Variants in AK9 observed in about 807,000 individuals in gnomAD.
AK9 encodes the protein adenylate kinase domain containing 1.
A neutral mutation model predicts 239.6 loss-of-function variants in AK9; 191 were observed. The ratio of observed to expected loss-of-function variants is 0.80; its 90% CI spans 0.71 to 0.90. The LOEUF is 0.90. Among genes scored for constraint, AK9 ranks in the 40% least tolerant of loss-of-function variants. The pLI, the probability that AK9 is intolerant of heterozygous loss-of-function variation, is 0.00. For missense variants in AK9, 1,995 were observed against 2,214.7 expected, an observed-to-expected ratio of 0.90 and a Z score of 1.99; for synonymous variants, 689 against 721.0, an observed-to-expected ratio of 0.96 and a Z score of 0.71.
Position 109,494,102 on chromosome 6 carries a change from G to A in AK9, c.5419-7C>T, listed in dbSNP as rs747512776. On this transcript the variant is annotated splice_region_variant and splice_polypyrimidine_tract_variant and intron_variant, in intron 39 of 40. Transcript: ENST00000424296. ...TTAGAGAAGTTGCAATACCCTGCAG[G>A]GAGGGAACAATTCAAATTCTGTGTA... 1.1e-5 allele frequency: 18 copies of A among 1,595,350 alleles called. No individual in the cohort carries two copies. The highest frequency in any genetic ancestry group is 1.5e-5 in the Non-Finnish European group (18 of 1,165,028).
intron 17 of AK9, among the ~76,000 whole-genome samples, chr6:109,604,396 T>C (rs1306703702): frequency 5.9e-5 from 9 of 152,348 alleles, no homozygotes; most frequent in African/African-American, 2.2e-4. Context: ...ATTTAATATA[T>C]ATGGAATTTA....
chr6:109,561,441 G>A (rs1036155465), intron 24 of AK9, among the ~76,000 whole-genome samples: 1 of 152,132 alleles, frequency 6.6e-6, no homozygotes. Flanking sequence ...TGTCTCCTGA[G>A]TAGCCAGGAC....
At chr6:109,575,864 C>T (rs374644426) in intron 20 of AK9, among the ~76,000 whole-genome samples, 14 of 152,238 alleles carry the variant, frequency 9.2e-5, no homozygotes, top group African/African-American at 3.4e-4. Context: ...AAAGATCCAG[C>T]TTCATTCTTC....
chr6:109,553,669 T>C (rs1784622481), intron 24 of AK9, among the ~76,000 whole-genome samples: 1 of 152,198 alleles, frequency 6.6e-6, no homozygotes, highest in South Asian at 2.1e-4. Context: ...TGACTTCCTC[T>C]CTTCCTATTT....
At chr6:109,597,566 G>A (rs943885991) in intron 17 of AK9, among the ~76,000 whole-genome samples, 2 of 151,982 alleles carry the variant, frequency 1.3e-5, no homozygotes, top group Non-Finnish European at 2.9e-5. Context: ...CCAGCTACTC[G>A]GGAGGCTAAG....
chr6:109,540,768 G>A (rs938113307), intron 27 of AK9, among the ~76,000 whole-genome samples: 3 of 152,064 alleles, frequency 2.0e-5, no homozygotes, highest in African/African-American at 7.2e-5. Flanking sequence ...GGTCTCTCTG[G>A]CAGGGTCAAT....
chr6:109,578,286 C>T (rs1190076495), intron 20 of AK9, among the ~76,000 whole-genome samples: 1 of 151,984 alleles, frequency 6.6e-6, no homozygotes, highest in Non-Finnish European at 1.5e-5. Context: ...CCAGGCTGGT[C>T]TCGAACTCCT....
rs1216988938 is a variant in AK9 at position 109,538,701 on chromosome 6, C to T, written c.3350+3346G>A. On this transcript the variant is annotated intron_variant, in intron 27 of 40. Transcript: ENST00000424296. The stretch of plus-strand genomic sequence containing the variant: ...AGTTGATGCAGTTTCTTCCTAGCAT[C>T]AATGATCTTTACAATTTGGCATGTT... Among the ~76,000 whole-genome samples, 1,022 of 151,318 alleles carry T rather than the reference C, an allele frequency of 6.8e-3. 17 individuals are homozygous for T. Among genetic ancestry groups the T allele is most frequent in the African/African-American group, 0.024 (966 of 40,706 alleles).
chr6:109,598,837 G>T (rs1331019562), intron 17 of AK9, among the ~76,000 whole-genome samples: 8 of 152,180 alleles, frequency 5.3e-5, no homozygotes, highest in East Asian at 3.8e-4. Context: ...ATGATGAGCA[G>T]TTTTTCATGT....
In AK9 at chr6:109,506,331, T is replaced by A; in HGVS notation, c.4845A>T (p.Lys1615Asn). Residue 1615 changes from lysine to asparagine, a missense_variant, in exon 35 of 41, where the codon AAA becomes AAT. By Grantham distance (94) the Lys-to-Asn change is moderately conservative. Coordinates refer to ENST00000424296, the MANE Select transcript of AK9 (RefSeq NM_001145128.3). The part of the protein sequence containing the change: ...KYMQTYLERI[K>N]AGKAACIDKL... Reference sequence around the variant, plus strand: ...CCTTAAAAAGTGCTATCTTACCTGCTTTTATTCTTTCCAGGTATGTCTGCA... The same window carrying A: ...CCTTAAAAAGTGCTATCTTACCTGCATTTATTCTTTCCAGGTATGTCTGCA... The A allele has an allele frequency of 6.2e-7, 1 of 1,613,074 alleles. No individual in the cohort carries two copies. Among genetic ancestry groups the A allele is most frequent in the Non-Finnish European group, 8.5e-7 (1 of 1,179,572 alleles).
intron 17 of AK9, among the ~76,000 whole-genome samples, chr6:109,605,834 T>C (rs780235777): frequency 5.3e-5 from 8 of 152,150 alleles, no homozygotes; most frequent in South Asian, 2.1e-4. Context: ...ACTGAGGTGA[T>C]TCCTTAGTTG....
intron 29 of AK9, among the ~76,000 whole-genome samples, chr6:109,522,489 T>C (rs974470107): frequency 2.6e-5 from 4 of 152,032 alleles, no homozygotes; most frequent in Non-Finnish European, 5.9e-5. Flanking sequence ...TGTTTTATAT[T>C]TGAGAAACTT....
intron 7 of AK9, among the ~76,000 whole-genome samples, chr6:109,657,502 A>G (rs889749715): frequency 6.6e-6 from 1 of 151,982 alleles, no homozygotes; most frequent in African/African-American, 2.4e-5. Context: ...ATTTGAGTTG[A>G]AATCTGAAGG....
At chr6:109,598,657 C>T (rs1791423342) in intron 17 of AK9, among the ~76,000 whole-genome samples, 1 of 152,224 alleles carries the variant, frequency 6.6e-6, no homozygotes, top group Admixed American at 6.5e-5. Flanking sequence ...ACACTGTCTT[C>T]CACAATGGTT....
chr6:109,608,451 C>T (rs1267362513), intron 17 of AK9, among the ~76,000 whole-genome samples: 1 of 151,576 alleles, frequency 6.6e-6, no homozygotes, highest in Non-Finnish European at 1.5e-5. Flanking sequence ...GTTAGAGCAA[C>T]TAGCTATCTA....
At chr6:109,612,808 A>G (rs1017662955) in intron 15 of AK9, among the ~76,000 whole-genome samples, 3 of 151,930 alleles carry the variant, frequency 2.0e-5, no homozygotes, top group African/African-American at 7.2e-5. Flanking sequence ...ATTATTTAAC[A>G]AAATAAATGA....
intron 35 of AK9, among the ~76,000 whole-genome samples, chr6:109,504,944 G>A (rs892893056): frequency 6.6e-6 from 1 of 152,202 alleles, no homozygotes; most frequent in Non-Finnish European, 1.5e-5. Flanking sequence ...CTAAGACAGG[G>A]AGGCTGAAAT....
At chr6:109,668,180 T>C (rs756159516) in intron 5 of AK9, among the ~76,000 whole-genome samples, 14 of 152,346 alleles carry the variant, frequency 9.2e-5, no homozygotes, top group Non-Finnish European at 1.8e-4. Context: ...CATGTGTCTG[T>C]TGGCTGCAGA....
intron 17 of AK9, among the ~76,000 whole-genome samples, chr6:109,596,125 A>T (rs755815541): frequency 6.6e-6 from 1 of 152,244 alleles, no homozygotes; most frequent in Non-Finnish European, 1.5e-5. Flanking sequence ...GCTGCAGCCA[A>T]TGCAGATGGG....
Sources: allele counts gnomAD v4.1 joint callset (sites outside exome capture counted in the v4.1 genomes callset), GRCh38; gene constraint gnomAD v4.1.1; transcripts MANE v1.5; gene names NCBI Gene and HGNC (gene_info 2026-07-23, HGNC 2026-07-21).